FAR1: variants seen among roughly 807,000 people sequenced by gnomAD.
The protein encoded by FAR1 is fatty acyl-CoA reductase 1.
In FAR1, 22 loss-of-function variants were observed where a neutral mutation model predicts 61.1. The ratio of observed to expected loss-of-function variants is 0.36; its 90% CI spans 0.26 to 0.51. FAR1 has a LOEUF of 0.51. Ranked by LOEUF, FAR1 falls within the 20% of genes least tolerant of loss-of-function variation. The pLI is 0.95. For missense variants in FAR1, 359 were observed against 626.9 expected (o/e 0.57, Z 4.56); for synonymous variants, 206 against 209.7 (o/e 0.98, Z 0.15).
At chr11:13,710,662 G>A in intron 4 of FAR1, 31 bp from the exon 5 acceptor site, 1 of 1,526,160 alleles carries the variant, frequency 6.6e-7, no homozygotes, top group East Asian at 2.4e-5. Flanking sequence ...AAAATATCTG[G>A]AAATATATTT....
At chr11:13,723,454 T>C (rs1358503467) in intron 10 of FAR1, 6 of 392,820 alleles carry the variant, frequency 1.5e-5, no homozygotes, top group Non-Finnish European at 2.9e-5. Context: ...TAGTTGGCTC[T>C]TCCTTTATAG....
chr11:13,731,357 A>G lies in FAR1; in HGVS notation c.*2583A>G, dbSNP rs1469746970. 3 of 152,512 alleles carry G rather than the reference A, an allele frequency of 2.0e-5. No homozygotes were observed. The highest frequency in any genetic ancestry group is 4.4e-5 in the Non-Finnish European group (3 of 67,998). 9.4% of individuals were successfully genotyped at this position (152,512 alleles called of 1,614,324 possible). On this transcript the variant is annotated 3_prime_UTR_variant, in exon 12 of 12. Coordinates refer to ENST00000354817, the MANE Select transcript of FAR1 (RefSeq NM_032228.6). ...CTTTTCCCCCTTTTTTGTGTTGTCT[A>G]TAGGAATTAACTTGGGATTGTTTTG...
At chr11:13,691,641 T>G (rs1848251634) in intron 1 of FAR1, among the ~76,000 whole-genome samples, 2 of 152,236 alleles carry the variant, frequency 1.3e-5, no homozygotes, top group African/African-American at 2.4e-5. Flanking sequence ...ACCTTTTGTG[T>G]CTGACTTCTT....
At chr11:13,703,232 A>G (rs1163515387) in intron 3 of FAR1, among the ~76,000 whole-genome samples, 1 of 152,124 alleles carries the variant, frequency 6.6e-6, no homozygotes, top group Non-Finnish European at 1.5e-5. Flanking sequence ...GCCCAGGCTG[A>G]GAGTGCAGTG....
intron 10 of FAR1, chr11:13,723,238 G>T: frequency 3.5e-6 from 1 of 288,440 alleles, no homozygotes; most frequent in South Asian, 3.0e-5. Context: ...GGTGACATGT[G>T]CCTGTAGTCC....
chr11:13,710,625 C>T lies in FAR1; in HGVS notation c.546-68C>T, dbSNP rs189664117. On this transcript the variant is annotated intron_variant, in intron 4 of 11. Coordinates refer to ENST00000354817, the MANE Select transcript of FAR1 (RefSeq NM_032228.6). ...CAGATATGTTTGAATGTGCGAAGTT[C>T]AATTAAGTAGCTTTTTATTTTATAG... 5.0e-5 allele frequency: 68 copies of T among 1,373,590 alleles called. No individual in the cohort carries two copies. The Admixed American group carries it at 1.5e-3, about 29-fold the overall frequency. The allele number at this position is 1,373,590 out of a possible 1,614,324, so 85.1% of individuals were successfully genotyped here.
At chr11:13,713,784 T>C (rs1848526606) in intron 8 of FAR1, among the ~76,000 whole-genome samples, 2 of 152,092 alleles carry the variant, frequency 1.3e-5, no homozygotes, top group Non-Finnish European at 2.9e-5. Context: ...CAGTGTAAAA[T>C]TGACCATTAG....
At chr11:13,691,454 G>GC (rs1356131774) in intron 1 of FAR1, among the ~76,000 whole-genome samples, 1 of 152,152 alleles carries the variant, frequency 6.6e-6, no homozygotes, top group African/African-American at 2.4e-5. Flanking sequence ...TTGTGCAACT[G>GC]CCACCTCTAT....
intron 1 of FAR1, among the ~76,000 whole-genome samples, chr11:13,694,487 C>G (rs1243523550): frequency 6.6e-6 from 1 of 152,126 alleles, no homozygotes; most frequent in African/African-American, 2.4e-5. Context: ...TCCTTTAGTA[C>G]AAATTGTACC....
At chr11:13,668,980 C>G (rs987716478) in intron 1 of FAR1, among the ~76,000 whole-genome samples, 174 bp downstream of exon 1, 43 of 152,276 alleles carry the variant, frequency 2.8e-4, no homozygotes, top group Middle Eastern at 3.4e-3. Flanking sequence ...CCCGCCTCAC[C>G]CCGGGTGGTC....
chr11:13,683,282 A>G (rs1290690516), intron 1 of FAR1, among the ~76,000 whole-genome samples: 3 of 151,958 alleles, frequency 2.0e-5, no homozygotes, highest in East Asian at 1.9e-4. Flanking sequence ...AATCCCAGCT[A>G]CTTGGGTGGT....
At chr11:13,713,726 G>A (rs901945977) in intron 8 of FAR1, among the ~76,000 whole-genome samples, 4 of 151,948 alleles carry the variant, frequency 2.6e-5, no homozygotes, top group Admixed American at 1.3e-4. Context: ...TTTCAATGTA[G>A]ATTTTTTATG....
At chr11:13,706,133 A>G (rs1848429791) in intron 3 of FAR1, among the ~76,000 whole-genome samples, 1 of 152,130 alleles carries the variant, frequency 6.6e-6, no homozygotes, top group South Asian at 2.1e-4. Context: ...TAGACTTTCT[A>G]ATTTTACTTT....
intron 1 of FAR1, among the ~76,000 whole-genome samples, chr11:13,678,665 T>C (rs1848093336): frequency 6.6e-6 from 1 of 152,232 alleles, no homozygotes; most frequent in Non-Finnish European, 1.5e-5. Context: ...ATGAGCATTA[T>C]TTCCCTAGCT....
intron 3 of FAR1, among the ~76,000 whole-genome samples, chr11:13,701,298 A>T (rs1169714104): frequency 6.6e-6 from 1 of 152,144 alleles, no homozygotes; most frequent in African/African-American, 2.4e-5. Context: ...TCTAACAAAG[A>T]AATGATAAGT....
At chr11:13,698,774 T>C (rs550206184) in intron 2 of FAR1, among the ~76,000 whole-genome samples, 5 of 150,676 alleles carry the variant, frequency 3.3e-5, no homozygotes, top group Non-Finnish European at 5.9e-5. Context: ...GAGCTTGCAG[T>C]GAGCCGAGAT....
At chr11:13,706,370 GTAAT>G (rs1273943850) in intron 3 of FAR1, among the ~76,000 whole-genome samples, 11 of 152,032 alleles carry the variant, frequency 7.2e-5, no homozygotes, top group African/African-American at 2.7e-4. Flanking sequence ...TACCATTTCT[GTAAT>G]TCCTGGTACT....
Position 13,685,473 on chromosome 11 carries a change from A to G in FAR1, c.-7-9286A>G, listed in dbSNP as rs576846122. On this transcript the variant is annotated intron_variant, in intron 1 of 11. Coordinates refer to ENST00000354817, the MANE Select transcript of FAR1 (RefSeq NM_032228.6). ...GTTGTGATCTTGACATAGCATAAGT[A>G]TGTGTGCCATCTCATGTGCAATTCT... 8 of 215,912 alleles carry G rather than the reference A, an allele frequency of 3.7e-5. No homozygotes were observed. The South Asian group carries it at 4.8e-4, about 13-fold the overall frequency. 13.4% of individuals were successfully genotyped at this position (215,912 alleles called of 1,614,324 possible). A position where few individuals can be genotyped will look rare whatever the true frequency, so the allele number is the denominator to read the frequency against.
In FAR1 at chr11:13,698,755, C is replaced by T. The variant is rs890530398; in HGVS notation, c.190-1562C>T. 6.6e-5 allele frequency among the ~76,000 whole-genome samples: 10 copies of T among 151,672 alleles called. No individual in the cohort carries two copies. In the East Asian group the frequency reaches 1.6e-3, roughly 24 times the overall value. On this transcript the variant is annotated intron_variant, in intron 2 of 11. Transcript: ENST00000354817. ...CTGAGGCAGGAGAATGGTGTGAACCCGTGAGGTGGAGCTTGCAGTGAGCCG... is the reference window on the plus strand; with the variant it reads ...CTGAGGCAGGAGAATGGTGTGAACCTGTGAGGTGGAGCTTGCAGTGAGCCG...
Sources: gnomAD v4.1 joint callset for allele counts (sites outside exome capture counted in the v4.1 genomes callset) on GRCh38, gnomAD v4.1.1 for gene constraint, MANE v1.5 for transcripts, NCBI Gene and HGNC (gene_info 2026-07-23, HGNC 2026-07-21) for gene names.